RNF125: variants seen among roughly 807,000 people sequenced by gnomAD.
RNF125 encodes ring finger protein 125, also known as E3 ubiquitin-protein ligase RNF125.
RNF125 carries 21 observed loss-of-function variants against 26.0 expected under a neutral mutation model. The ratio of observed to expected loss-of-function variants is 0.81; its 90% CI spans 0.57 to 1.16. RNF125 has a LOEUF of 1.16. RNF125 is among the 50% of genes most tolerant of loss of function. The pLI, the probability that RNF125 is intolerant of heterozygous loss-of-function variation, is 0.00. For synonymous variants in RNF125, 95 were observed against 109.2 expected (o/e 0.87, Z 0.81); for missense variants, 270 against 299.4 (o/e 0.90, Z 0.72).
intron 1 of RNF125, among the ~76,000 whole-genome samples, chr18:32,033,711 C>T (rs906084303): frequency 8.0e-5 from 12 of 150,438 alleles, no homozygotes; most frequent in Non-Finnish European, 1.6e-4. Context: ...CCCAGCTACT[C>T]AAGAGGCTGA....
At position 32,071,890 on chromosome 18, in the gene RNF125, TA is replaced by T. The variant is rs1365544132; in HGVS notation, c.*3509del. ...TCTTCAATTTAGATGGATCATACAA[TA>T]AAGCAAAATCTGGCTGGTTACAGTG... On this transcript the variant is annotated 3_prime_UTR_variant, in exon 6 of 6. Transcript: ENST00000217740. The T allele has an allele frequency of 4.6e-5, 7 of 152,164 alleles. No homozygotes were observed. Among genetic ancestry groups the T allele is most frequent in the Middle Eastern group, 3.2e-3 (1 of 316 alleles). 9.4% of individuals were successfully genotyped at this position (152,164 alleles called of 1,614,324 possible). A position where few individuals can be genotyped will look rare whatever the true frequency, so the allele number is the denominator to read the frequency against.
At chr18:32,089,089 G>T in the RNF125 span, among the ~76,000 whole-genome samples, 1 of 152,172 alleles carries the variant, frequency 6.6e-6, no homozygotes, top group Non-Finnish European at 1.5e-5. Context: ...GAAGGTGATC[G>T]TGGCAGGAAT....
the RNF125 span, among the ~76,000 whole-genome samples, chr18:32,080,855 G>T: frequency 3.3e-5 from 5 of 151,816 alleles, no homozygotes; most frequent in East Asian, 3.9e-4. Context: ...TAGCCTGGGG[G>T]ACTGTGCGAG....
chr18:32,077,198 CAT>C (rs2039575877), downstream of RNF125, among the ~76,000 whole-genome samples: 1 of 152,052 alleles, frequency 6.6e-6, no homozygotes, highest in Non-Finnish European at 1.5e-5. Context: ...TGATAACACA[CAT>C]ATAAAACATC....
downstream of RNF125, among the ~76,000 whole-genome samples, chr18:32,073,842 A>T (rs1355540559): frequency 6.6e-6 from 1 of 152,200 alleles, no homozygotes; most frequent in Non-Finnish European, 1.5e-5. Context: ...CATCATTTAG[A>T]TTATCTTTAT....
At chr18:32,026,517 G>A (rs2039038079) in intron 1 of RNF125, among the ~76,000 whole-genome samples, 1 of 151,982 alleles carries the variant, frequency 6.6e-6, no homozygotes, top group Non-Finnish European at 1.5e-5. Flanking sequence ...TGGGATTACA[G>A]GTGTGAACCA....
downstream of RNF125, among the ~76,000 whole-genome samples, chr18:32,077,357 T>G (rs983581697): frequency 4.0e-5 from 6 of 148,348 alleles, no homozygotes. Flanking sequence ...TTTTTTTTTT[T>G]GAGACATGTA....
intron 4 of RNF125, among the ~76,000 whole-genome samples, chr18:32,055,572 A>G (rs2039372663): frequency 6.6e-6 from 1 of 152,188 alleles, no homozygotes; most frequent in Admixed American, 6.5e-5. Context: ...GTATAAGACC[A>G]TCAGATCTTG....
intron 1 of RNF125, among the ~76,000 whole-genome samples, chr18:32,021,182 G>A (rs112251087): frequency 0.048 from 7,326 of 152,184 alleles, 597 homozygotes; most frequent in African/African-American, 0.16. Flanking sequence ...CCGGGTTCAC[G>A]CCATTCTCCT....
intron 4 of RNF125, among the ~76,000 whole-genome samples, chr18:32,057,523 C>T (rs565688328): frequency 3.3e-5 from 5 of 151,756 alleles, no homozygotes; most frequent in African/African-American, 4.8e-5. Flanking sequence ...TTAGTAGAGA[C>T]GGAGTTTCTC....
At chr18:32,043,815 A>G (rs1433343854) in intron 3 of RNF125, among the ~76,000 whole-genome samples, 2 of 152,192 alleles carry the variant, frequency 1.3e-5, no homozygotes, top group Non-Finnish European at 2.9e-5. Flanking sequence ...TCTTTGCTTT[A>G]CAGAAGAATT....
At chr18:32,073,906 T>C (rs1382679379), downstream of RNF125, among the ~76,000 whole-genome samples, 1 of 152,226 alleles carries the variant, frequency 6.6e-6, no homozygotes, top group Non-Finnish European at 1.5e-5. Flanking sequence ...TCCTTGAAGC[T>C]AATAGTTATG....
chr18:32,054,009 T>G (rs2039354997), intron 4 of RNF125, among the ~76,000 whole-genome samples: 1 of 151,642 alleles, frequency 6.6e-6, no homozygotes, highest in Admixed American at 6.6e-5. Flanking sequence ...TGCATCCTAA[T>G]AGACCTATGT....
intron 2 of RNF125, among the ~76,000 whole-genome samples, chr18:32,037,894 G>T (rs1220897693): frequency 6.6e-6 from 1 of 152,044 alleles, no homozygotes; most frequent in African/African-American, 2.4e-5. Context: ...GGACAGAAAC[G>T]GAACATGGGC....
chr18:32,047,648 A>G (rs117732479), intron 4 of RNF125, among the ~76,000 whole-genome samples: 2,651 of 152,284 alleles, frequency 0.017, 41 homozygotes, highest in Non-Finnish European at 0.025. Flanking sequence ...TTTATGTAGT[A>G]TGTAGTTTTA....
At chr18:32,086,524 A>G in the RNF125 span, among the ~76,000 whole-genome samples, 12 of 148,916 alleles carry the variant, frequency 8.1e-5, no homozygotes, top group African/African-American at 3.0e-4. Context: ...GCTAATTTCT[A>G]ATTTTTTTTT....
chr18:32,045,118 CAA>C (rs1189548121), intron 3 of RNF125, among the ~76,000 whole-genome samples: 2 of 115,184 alleles, frequency 1.7e-5, no homozygotes, highest in Non-Finnish European at 3.7e-5. Flanking sequence ...ACTCCCTCTC[CAA>C]AAAAAAAAAA....
chr18:32,019,618 G>A (rs1248197080), intron 1 of RNF125, among the ~76,000 whole-genome samples: 1 of 151,612 alleles, frequency 6.6e-6, no homozygotes, highest in Non-Finnish European at 1.5e-5. Context: ...TCCCAACACA[G>A]ACACCCAGCC....
rs2039510511 is a variant in RNF125, at chr18:32,069,069, CG to C, written c.*688del. 6.6e-6 allele frequency: 1 copy of C among 152,004 alleles called. No individual in the cohort carries two copies. Among genetic ancestry groups the C allele is most frequent in the African/African-American group, 2.4e-5 (1 of 41,424 alleles). The allele number at this position is 152,004 out of a possible 1,614,324, so 9.4% of individuals were successfully genotyped here. A position where few individuals can be genotyped will look rare whatever the true frequency, so the allele number is the denominator to read the frequency against. On this transcript the variant is annotated 3_prime_UTR_variant, in exon 6 of 6. Coordinates refer to ENST00000217740, the MANE Select transcript of RNF125 (RefSeq NM_017831.4). ...TACAAAAATTAGCTGGACGTGTTGGCGGGCATCTGTAATACCAGCTACTTGG... is the reference window on the plus strand; with the variant it reads ...TACAAAAATTAGCTGGACGTGTTGGCGGCATCTGTAATACCAGCTACTTGG...
Sources: allele counts gnomAD v4.1 joint callset (sites outside exome capture counted in the v4.1 genomes callset), GRCh38; gene constraint gnomAD v4.1.1; transcripts MANE v1.5; gene names NCBI Gene and HGNC (gene_info 2026-07-23, HGNC 2026-07-21).